The following RHAG variants were observed in gnomAD, a reference collection of about 807,000 sequenced individuals.
RHAG encodes ammonium transporter Rh type A.
In RHAG, 25 loss-of-function variants were observed where a neutral mutation model predicts 42.4. The observed-to-expected ratio is 0.59, with a 90% confidence interval of 0.43 to 0.82. The LOEUF (loss-of-function observed/expected upper bound fraction) is 0.82, where lower values mean the gene tolerates loss of function less well. Among genes scored for constraint, RHAG ranks in the 40% least tolerant of loss-of-function variants. The pLI is 0.00. For synonymous variants in RHAG, 182 were observed against 177.7 expected, an observed-to-expected ratio of 1.02 and a Z score of -0.19; for missense variants, 483 against 504.6, an observed-to-expected ratio of 0.96 and a Z score of 0.41.
At chr6:49,612,725 T>C (rs1762587893) in intron 5 of RHAG, among the ~76,000 whole-genome samples, 191 bp from the exon 6 acceptor site, 1 of 152,236 alleles carries the variant, frequency 6.6e-6, no homozygotes, top group South Asian at 2.1e-4. Flanking sequence ...TTGGTATCTT[T>C]CTTGCCGGTC....
At chr6:49,620,400 A>G (rs1002038883) in intron 1 of RHAG, among the ~76,000 whole-genome samples, 2 of 152,212 alleles carry the variant, frequency 1.3e-5, no homozygotes, top group Non-Finnish European at 2.9e-5. Flanking sequence ...ATATATATGG[A>G]TAAACCATAT....
intron 1 of RHAG, among the ~76,000 whole-genome samples, chr6:49,628,534 A>T (rs1762878119): frequency 6.6e-6 from 1 of 150,540 alleles, no homozygotes; most frequent in Admixed American, 6.6e-5. Flanking sequence ...GTTTCTTCTG[A>T]TGTTCCGATG....
At chr6:49,621,588 C>A (rs910393319) in intron 1 of RHAG, among the ~76,000 whole-genome samples, 3 of 152,192 alleles carry the variant, frequency 2.0e-5, no homozygotes, top group African/African-American at 7.2e-5. Context: ...CAATTAATAT[C>A]AACCTGTTTC....
intron 6 of RHAG, among the ~76,000 whole-genome samples, chr6:49,611,637 T>C (rs904148350): frequency 2.6e-5 from 4 of 152,198 alleles, no homozygotes; most frequent in South Asian, 2.1e-4. Flanking sequence ...TTTGAATATA[T>C]AGTTGTGGCA....
At chr6:49,624,154 CTGTGA>C (rs570781504) in intron 1 of RHAG, among the ~76,000 whole-genome samples, 414 of 152,300 alleles carry the variant, frequency 2.7e-3, no homozygotes, top group Non-Finnish European at 4.7e-3. Flanking sequence ...ATCCTCCTGG[CTGTGA>C]TAAGTTGTGT....
chr6:49,614,334 A>T (rs893149340), intron 5 of RHAG, among the ~76,000 whole-genome samples: 1 of 151,344 alleles, frequency 6.6e-6, no homozygotes, highest in Non-Finnish European at 1.5e-5. Flanking sequence ...CTGGGATGAC[A>T]GGTGTCTGCC....
chr6:49,606,134 G>A (rs1025875876), intron 9 of RHAG, among the ~76,000 whole-genome samples: 7 of 152,144 alleles, frequency 4.6e-5, no homozygotes, highest in Admixed American at 2.0e-4. Context: ...AGAGAAACTG[G>A]AGGATAGAAA....
In RHAG at chr6:49,605,476, A is replaced by C. The variant is rs1452046344; in HGVS notation, c.*337T>G. 2.8e-6 allele frequency: 1 copy of C among 355,952 alleles called. No homozygotes were observed. Among genetic ancestry groups the C allele is most frequent in the African/African-American group, 2.1e-5 (1 of 48,506 alleles). The allele number at this position is 355,952 out of a possible 1,614,324, so 22.0% of individuals were successfully genotyped here. The stretch of plus-strand genomic sequence containing the variant: ...TTGGGATTGAAGACATAGTGTCTAC[A>C]TTAAGAAACTGACATGTTTACTCTG... On this transcript the variant is annotated 3_prime_UTR_variant, in exon 10 of 10. Coordinates refer to ENST00000371175, the MANE Select transcript of RHAG (RefSeq NM_000324.3).
At position 49,611,142 on chromosome 6, in the gene RHAG, G is replaced by C; in HGVS notation, c.949C>G (p.Leu317Val). ...SVLGYKFLTP[L>V]FTTKLRIHDT... ...TGGATCCTCAGTTTAGTAGTAAAAA[G>C]TGGCTAAAATTATAAAAGGAAGAAG... Residue 317 changes from leucine (L) to valine (V), a missense_variant, in exon 7 of 10, where the codon CTT (leucine) becomes GTT (valine). Coordinates refer to ENST00000371175, the MANE Select transcript of RHAG (RefSeq NM_000324.3). The C allele has an allele frequency of 6.2e-7, 1 of 1,612,794 alleles. No individual in the cohort carries two copies. The highest frequency in any genetic ancestry group is 2.2e-5 in the East Asian group (1 of 44,876).
rs1016951928 is a variant in RHAG, at chr6:49,612,275, C to T, written c.945+122G>A. On this transcript the variant is annotated intron_variant, in intron 6 of 9. Coordinates refer to ENST00000371175, the MANE Select transcript of RHAG (RefSeq NM_000324.3). The stretch of plus-strand genomic sequence containing the variant: ...GGGAGTGGTATTTCCAAAAAGAAGG[C>T]AAATGGTCTCCAAATAAAAATGTTT... The T allele has an allele frequency of 6.4e-6, 7 of 1,092,482 alleles. No individual in the cohort carries two copies. In the East Asian group the frequency reaches 1.7e-4, roughly 26 times the overall value. 67.7% of individuals were successfully genotyped at this position (1,092,482 alleles called of 1,614,324 possible). A position where few individuals can be genotyped will look rare whatever the true frequency, so the allele number is the denominator to read the frequency against.
chr6:49,627,665 G>A (rs1030402937), intron 1 of RHAG, among the ~76,000 whole-genome samples: 6 of 152,160 alleles, frequency 3.9e-5, no homozygotes, highest in African/African-American at 1.4e-4. Context: ...TAAAGGAAAG[G>A]TTTAATTGAC....
At chr6:49,621,412 G>T (rs1184597206) in intron 1 of RHAG, among the ~76,000 whole-genome samples, 2 of 152,188 alleles carry the variant, frequency 1.3e-5, no homozygotes, top group African/African-American at 4.8e-5. Context: ...CCTAAAACTG[G>T]ATAATCCTAG....
At chr6:49,618,462 T>C (rs1436979449) in intron 2 of RHAG, among the ~76,000 whole-genome samples, 2 of 152,246 alleles carry the variant, frequency 1.3e-5, no homozygotes, top group Admixed American at 1.3e-4. Flanking sequence ...GTGAATTATT[T>C]CCTGGGGTGT....
At chr6:49,624,692 C>T (rs1762815580) in intron 1 of RHAG, among the ~76,000 whole-genome samples, 1 of 152,186 alleles carries the variant, frequency 6.6e-6, no homozygotes, top group Admixed American at 6.5e-5. Flanking sequence ...TATTTACCTC[C>T]TCATGTCTCC....
chr6:49,616,354 CAAAAA>C (rs34416373), intron 3 of RHAG, among the ~76,000 whole-genome samples: 1 of 108,770 alleles, frequency 9.2e-6, no homozygotes. Flanking sequence ...AATCTCAAAC[CAAAAA>C]AAAAAAAAAA....
intron 1 of RHAG, among the ~76,000 whole-genome samples, chr6:49,629,588 G>A (rs1434204610): frequency 1.3e-5 from 2 of 152,124 alleles, no homozygotes; most frequent in African/African-American, 4.8e-5. Flanking sequence ...ACTGGGCGCC[G>A]TGGAGCAGGG....
chr6:49,609,558 A>G (rs574742116), intron 7 of RHAG, among the ~76,000 whole-genome samples: 1 of 152,360 alleles, frequency 6.6e-6, no homozygotes, highest in Admixed American at 6.5e-5. Context: ...TGATCTCTAC[A>G]GTCTCAGGAA....
chr6:49,612,808 ATGT>A (rs1224218582), intron 5 of RHAG, among the ~76,000 whole-genome samples: 7 of 152,164 alleles, frequency 4.6e-5, no homozygotes, highest in African/African-American at 1.4e-4. Flanking sequence ...AAATCAAAAG[ATGT>A]TGTAGTGGGA....
intron 1 of RHAG, among the ~76,000 whole-genome samples, chr6:49,621,320 T>A (rs897499075): frequency 6.6e-6 from 1 of 152,164 alleles, no homozygotes; most frequent in Non-Finnish European, 1.5e-5. Context: ...CTTCTTTTGC[T>A]CAAGATCATA....
Sources: gnomAD v4.1 joint callset for allele counts (sites outside exome capture counted in the v4.1 genomes callset) on GRCh38, gnomAD v4.1.1 for gene constraint, MANE v1.5 for transcripts, NCBI Gene and HGNC (gene_info 2026-07-23, HGNC 2026-07-21) for gene names.